The following PLEKHA8 variants were observed in gnomAD, a reference collection of about 807,000 sequenced individuals.
PLEKHA8 encodes the protein pleckstrin homology domain-containing family A member 8.
In PLEKHA8, 36 loss-of-function variants were observed where a neutral mutation model predicts 68.2. The ratio of observed to expected loss-of-function variants is 0.53; its 90% CI spans 0.40 to 0.70. The LOEUF is 0.70. PLEKHA8 is among the 30% of genes least tolerant of loss of function. PLEKHA8 has a pLI of 0.00. For synonymous variants in PLEKHA8, 211 were observed against 216.1 expected, an observed-to-expected ratio of 0.98 and a Z score of 0.20; for missense variants, 505 against 615.4, an observed-to-expected ratio of 0.82 and a Z score of 1.90.
rs1792369977 is a variant in PLEKHA8 at position 30,051,085 on chromosome 7, A to G, written c.638+611A>G. 2.0e-5 allele frequency among the ~76,000 whole-genome samples: 3 copies of G among 152,176 alleles called. No homozygotes were observed. The South Asian group carries it at 6.2e-4, about 32-fold the overall frequency. On this transcript the variant is annotated intron_variant, in intron 6 of 13. Transcript: ENST00000449726. ...TGGCTAATTTTTGTATTTTTTGTACAGATAGGGTTTCACCATGTTGCCCAG... is the reference window on the plus strand; with the variant it reads ...TGGCTAATTTTTGTATTTTTTGTACGGATAGGGTTTCACCATGTTGCCCAG...
chr7:30,117,359 G>C (rs1168321316), intron 13 of PLEKHA8, among the ~76,000 whole-genome samples: 1 of 152,042 alleles, frequency 6.6e-6, no homozygotes, highest in Non-Finnish European at 1.5e-5. Flanking sequence ...TTCCAAGTTA[G>C]TTTCTTAAAA....
intron 13 of PLEKHA8, among the ~76,000 whole-genome samples, chr7:30,110,868 C>A (rs755723499): frequency 1.3e-5 from 2 of 148,580 alleles, no homozygotes; most frequent in African/African-American, 4.9e-5. Context: ...TATTCAAATT[C>A]TTTGCCCAAC....
At chr7:30,042,190 G>A (rs776317683) in intron 1 of PLEKHA8, among the ~76,000 whole-genome samples, 2 of 152,164 alleles carry the variant, frequency 1.3e-5, no homozygotes, top group Admixed American at 6.5e-5. Flanking sequence ...GAGCCTGCTA[G>A]CATGGAACTT....
intron 12 of PLEKHA8, among the ~76,000 whole-genome samples, chr7:30,068,954 A>G (rs144301603): frequency 6.6e-6 from 1 of 152,322 alleles, no homozygotes; most frequent in East Asian, 1.9e-4. Context: ...CAGTTGTCTT[A>G]GCAGCATTTA....
At chr7:30,095,564 A>G (rs1795580818), downstream of PLEKHA8, among the ~76,000 whole-genome samples, 1 of 152,208 alleles carries the variant, frequency 6.6e-6, no homozygotes, top group Non-Finnish European at 1.5e-5. Flanking sequence ...TTTTGTTGCC[A>G]TTGCTTTTGG....
In PLEKHA8 at chr7:30,082,412, G is replaced by C; in HGVS notation, c.*3625G>C. The C allele has an allele frequency of 1.0e-6, 1 of 985,370 alleles. No homozygotes were observed. The highest frequency in any genetic ancestry group is 1.2e-6 in the Non-Finnish European group (1 of 829,954). The allele number at this position is 985,370 out of a possible 1,614,324, so 61.0% of individuals were successfully genotyped here. ...TGGCACCACCTTAGCCCAGGGCTGC[G>C]TGCCTGATCAGTGGGGATTCTGTTC... is the stretch of plus-strand genomic sequence containing the variant. On this transcript the variant is annotated 3_prime_UTR_variant, in exon 14 of 14. Transcript: ENST00000449726.
chr7:30,054,907 CTT>C lies in PLEKHA8; in HGVS notation c.953+43_953+44del, dbSNP rs756952305. ...AATATCACTGATGCTTGGATACTAA[CTT>C]CCATTCTGGAAAATCAGTCATGGTG... On this transcript the variant is annotated intron_variant, in intron 8 of 13. Coordinates refer to ENST00000449726, the MANE Select transcript of PLEKHA8 (RefSeq NM_001197026.2). The C allele has an allele frequency of 7.9e-6, 12 of 1,527,414 alleles. No homozygotes were observed. The Admixed American group carries it at 2.3e-4, about 30-fold the overall frequency. 94.6% of individuals were successfully genotyped at this position (1,527,414 alleles called of 1,614,324 possible).
rs1379560894 is a variant in PLEKHA8, at chr7:30,129,454, C to CT, written c.*186dup. 17 of 907,570 alleles carry CT rather than the reference C, an allele frequency of 1.9e-5. No individual in the cohort carries two copies. In the East Asian group the frequency reaches 4.1e-4, roughly 22 times the overall value. The allele number at this position is 907,570 out of a possible 1,614,324, so 56.2% of individuals were successfully genotyped here. ...CTCATTCATGTGAAACAAAGAGAAA[C>CT]TTTATCTTGTTCAAGTCACTTTAGT... On this transcript the variant is annotated 3_prime_UTR_variant, in exon 14 of 14. Coordinates refer to the PLEKHA8 transcript ENST00000396257.
chr7:30,069,207 C>T (rs1336053960), intron 12 of PLEKHA8, among the ~76,000 whole-genome samples: 1 of 152,232 alleles, frequency 6.6e-6, no homozygotes, highest in East Asian at 1.9e-4. Flanking sequence ...CCACCAGCCT[C>T]CTGCCAGACT....
At chr7:30,046,100 G>T in intron 2 of PLEKHA8, 110 bp from the exon 3 acceptor site, 1 of 1,058,526 alleles carries the variant, frequency 9.4e-7, no homozygotes, top group Non-Finnish European at 1.3e-6. Flanking sequence ...TCCTCTTTGG[G>T]AAGAAGCCTT....
In PLEKHA8 at chr7:30,049,331, C is replaced by G; in HGVS notation, c.546C>G (p.Leu182=). The change falls in exon 5 of 14, where the codon CTC becomes CTG. Residue 182 remains leucine, a synonymous_variant. Transcript: ENST00000449726. ...ATGCAGCCTTCACCTCTGAGCTGCT[C>G]TACCGCACTCCACCAGGATCACCTC... The part of the protein sequence containing the change: ...IANAAFTSEL[L]YRTPPGSPQL... The G allele has an allele frequency of 1.2e-6, 2 of 1,614,142 alleles. No homozygotes were observed. Among genetic ancestry groups the G allele is most frequent in the Non-Finnish European group, 1.7e-6 (2 of 1,180,024 alleles).
At chr7:30,111,558 A>G (rs773470458) in intron 13 of PLEKHA8, among the ~76,000 whole-genome samples, 9 of 149,692 alleles carry the variant, frequency 6.0e-5, no homozygotes, top group Non-Finnish European at 1.2e-4. Flanking sequence ...TCTAGCTTCT[A>G]CATTCTTGGG....
intron 12 of PLEKHA8, chr7:30,071,718 A>G (rs1466820527): frequency 6.6e-6 from 1 of 152,198 alleles, no homozygotes; most frequent in Non-Finnish European, 1.5e-5. Context: ...GCAGATTTTA[A>G]TGGTATTTCT....
intron 13 of PLEKHA8, among the ~76,000 whole-genome samples, chr7:30,115,651 CACATACATGTATACGTGTAT>C (rs1562557434): frequency 6.6e-6 from 1 of 151,136 alleles, no homozygotes. Context: ...CACACATGTA[CACATACATGTATACGTGTAT>C]ACATACGCAC....
chr7:30,065,239 A>G (rs62446707), intron 12 of PLEKHA8, among the ~76,000 whole-genome samples: 21,755 of 152,166 alleles, frequency 0.14, 1,591 homozygotes, highest in Middle Eastern at 0.19. Flanking sequence ...TCAATGGAAA[A>G]GAGAAGGGAG....
At chr7:30,052,046 GAGA>G (rs1009487260) in intron 6 of PLEKHA8, among the ~76,000 whole-genome samples, 1 of 152,160 alleles carries the variant, frequency 6.6e-6, no homozygotes, top group Non-Finnish European at 1.5e-5. Flanking sequence ...TGTAGAGAGA[GAGA>G]AGAAGCCCCC....
At chr7:30,118,651 C>G (rs1583490638) in intron 13 of PLEKHA8, among the ~76,000 whole-genome samples, 1 of 151,824 alleles carries the variant, frequency 6.6e-6, no homozygotes, top group East Asian at 1.9e-4. Flanking sequence ...GATCTCGGCT[C>G]ACTGCAAGCT....
At chr7:30,119,840 G>A (rs1458978137) in intron 13 of PLEKHA8, among the ~76,000 whole-genome samples, 3 of 152,180 alleles carry the variant, frequency 2.0e-5, no homozygotes, top group African/African-American at 4.8e-5. Flanking sequence ...TGTTGTCACA[G>A]TCTTTAGGAT....
intron 13 of PLEKHA8, 126 bp downstream of exon 13, chr7:30,074,258 G>A (rs1434465598): frequency 1.5e-6 from 1 of 665,944 alleles, no homozygotes; most frequent in African/African-American, 1.8e-5. Context: ...GTGTGTGTGT[G>A]TGTGTGTGTG....
Sources: gnomAD v4.1 joint callset for allele counts (sites outside exome capture counted in the v4.1 genomes callset) on GRCh38, gnomAD v4.1.1 for gene constraint, MANE v1.5 for transcripts, NCBI Gene and HGNC (gene_info 2026-07-23, HGNC 2026-07-21) for gene names.